The following ASTN2 variants were observed in gnomAD, a reference collection of about 807,000 sequenced individuals.
ASTN2 encodes astrotactin 2.
A neutral mutation model predicts 139.8 loss-of-function variants in ASTN2; 54 were observed. That is an observed-to-expected ratio of 0.39 (90% CI 0.31 to 0.48). The LOEUF (loss-of-function observed/expected upper bound fraction) is 0.48, where lower values mean the gene tolerates loss of function less well. Ranked by LOEUF, ASTN2 falls within the 20% of genes least tolerant of loss-of-function variation. The pLI is 0.95. For synonymous variants in ASTN2, 756 were observed against 719.5 expected (o/e 1.05, Z -0.81); for missense variants, 1,565 against 1,725.1 (o/e 0.91, Z 1.64).
At chr9:116,890,535 A>T (rs1833737681) in intron 10 of ASTN2, among the ~76,000 whole-genome samples, 1 of 152,216 alleles carries the variant, frequency 6.6e-6, no homozygotes, top group South Asian at 2.1e-4. Flanking sequence ...TAAATAAATG[A>T]CATCCAAGTA....
chr9:116,575,906 A>G (rs938693359), intron 19 of ASTN2, among the ~76,000 whole-genome samples: 1 of 152,204 alleles, frequency 6.6e-6, no homozygotes, highest in Admixed American at 6.5e-5. Context: ...ATGTGCTAAA[A>G]GGAGAAAAGC....
rs934769574 is a variant in ASTN2 at position 117,414,300 on chromosome 9, G to T, written c.442+197C>A. On this transcript the variant is annotated intron_variant, in intron 1 of 22. Transcript: ENST00000313400. This position sits in a 1 kb window ranked among gnomAD's most constrained non-coding sequence, Gnocchi z 4.2. ...AGGGTTGGCACGCCCCCAGGCTCCC[G>T]CCGCGCGCTCTCCAGGACCTCCTCC... Among the ~76,000 whole-genome samples the T allele has an allele frequency of 6.6e-6, 1 of 152,100 alleles. No homozygotes were observed. Among genetic ancestry groups the T allele is most frequent in the Non-Finnish European group, 1.5e-5 (1 of 68,004 alleles).
At chr9:117,275,813 G>A (rs958198782) in intron 2 of ASTN2, among the ~76,000 whole-genome samples, 3 of 151,976 alleles carry the variant, frequency 2.0e-5, no homozygotes, top group African/African-American at 4.8e-5. Flanking sequence ...CAAGTAATTC[G>A]CCTGCGTTGG....
intron 19 of ASTN2, chr9:116,568,741 C>T (rs1239066834): frequency 6.6e-6 from 1 of 152,222 alleles, no homozygotes; most frequent in African/African-American, 2.4e-5. Context: ...ATACTACTAC[C>T]TTGATGGGGG....
chr9:117,105,410 C>T (rs947158350), intron 4 of ASTN2, among the ~76,000 whole-genome samples: 1 of 152,078 alleles, frequency 6.6e-6, no homozygotes, highest in Non-Finnish European at 1.5e-5. Context: ...TAAGACATCC[C>T]ACCCCATCCC....
chr9:116,691,933 A>G (rs1322357256), intron 16 of ASTN2, among the ~76,000 whole-genome samples: 2 of 152,220 alleles, frequency 1.3e-5, no homozygotes, highest in African/African-American at 4.8e-5. Flanking sequence ...CAATAGTAGG[A>G]TGGACCTTTA....
At chr9:117,301,931 A>G (rs1199531895) in intron 1 of ASTN2, among the ~76,000 whole-genome samples, 1 of 152,094 alleles carries the variant, frequency 6.6e-6, no homozygotes, top group African/African-American at 2.4e-5. Context: ...TCAATCTCTT[A>G]TGATAGCTGT....
chr9:117,036,764 C>A (rs987411316), intron 6 of ASTN2, among the ~76,000 whole-genome samples: 10 of 152,194 alleles, frequency 6.6e-5, no homozygotes, highest in Non-Finnish European at 1.3e-4. Flanking sequence ...CTGCTTTCCA[C>A]TTGGTCCCTC....
chr9:117,314,672 T>C (rs1828081803), intron 1 of ASTN2, among the ~76,000 whole-genome samples: 1 of 145,942 alleles, frequency 6.9e-6, no homozygotes, highest in Non-Finnish European at 1.5e-5. Flanking sequence ...TTATATATGA[T>C]ATGTTTTTAT....
intron 16 of ASTN2, among the ~76,000 whole-genome samples, chr9:116,653,621 G>A (rs1270101430): frequency 6.6e-6 from 1 of 152,224 alleles, no homozygotes; most frequent in African/African-American, 2.4e-5. Context: ...GTCAAGGCAA[G>A]CTCCTGCCTC....
chr9:116,716,296 C>A (rs1828312531), intron 16 of ASTN2, among the ~76,000 whole-genome samples: 1 of 152,082 alleles, frequency 6.6e-6, no homozygotes, highest in African/African-American at 2.4e-5. Context: ...CACACATATA[C>A]CCCAAATAAT....
chr9:117,199,747 C>A (rs1331954246), intron 3 of ASTN2, among the ~76,000 whole-genome samples: 1 of 151,864 alleles, frequency 6.6e-6, no homozygotes, highest in East Asian at 1.9e-4. Context: ...GATATTGATT[C>A]TTCCTATCTC....
chr9:117,060,350 G>T (rs1217768540), intron 5 of ASTN2, among the ~76,000 whole-genome samples: 20 of 54,008 alleles, frequency 3.7e-4, no homozygotes, highest in African/African-American at 2.0e-3. Flanking sequence ...AAGAGAGAAA[G>T]AAAGAAAGAA....
At chr9:117,259,321 C>T (rs1194732158) in intron 2 of ASTN2, among the ~76,000 whole-genome samples, 3 of 152,112 alleles carry the variant, frequency 2.0e-5, no homozygotes, top group Non-Finnish European at 2.9e-5. Context: ...AATTCTAAGG[C>T]CCCCCTCAAC....
intron 1 of ASTN2, among the ~76,000 whole-genome samples, chr9:117,372,258 C>G (rs936575815): frequency 6.6e-6 from 1 of 152,288 alleles, no homozygotes; most frequent in Middle Eastern, 3.4e-3. Flanking sequence ...TTCCAATGCC[C>G]TTTGATCATT....
At chr9:117,114,050 GA>G in intron 4 of ASTN2, among the ~76,000 whole-genome samples, 1 of 151,800 alleles carries the variant, frequency 6.6e-6, no homozygotes, top group East Asian at 1.9e-4. Flanking sequence ...AGTAAAGCTT[GA>G]AAAAAATAGG....
intron 14 of ASTN2, among the ~76,000 whole-genome samples, chr9:116,731,662 G>A (rs1828788499): frequency 6.6e-6 from 1 of 152,156 alleles, no homozygotes; most frequent in African/African-American, 2.4e-5. Context: ...GACCTCAGGT[G>A]ATCAACCTGC....
intron 3 of ASTN2, among the ~76,000 whole-genome samples, chr9:117,204,665 G>T (rs969638090): frequency 1.3e-5 from 2 of 152,048 alleles, no homozygotes; most frequent in Non-Finnish European, 2.9e-5. Context: ...AACTGATTAG[G>T]GGCTAGGAAA....
intron 19 of ASTN2, among the ~76,000 whole-genome samples, chr9:116,512,353 T>G (rs1035065925): frequency 1.3e-5 from 2 of 152,252 alleles, no homozygotes; most frequent in Non-Finnish European, 2.9e-5. Context: ...TTGATTGCAC[T>G]GTGTTCTGAG....
Sources: gnomAD v4.1 joint callset for allele counts (sites outside exome capture counted in the v4.1 genomes callset) on GRCh38, gnomAD v4.1.1 for gene constraint, Gnocchi (gnomAD v3.1) non-coding constraint, MANE v1.5 for transcripts, NCBI Gene and HGNC (gene_info 2026-07-23, HGNC 2026-07-21) for gene names.